Variants in ZCCHC7 observed in about 807,000 individuals in gnomAD.
ZCCHC7 encodes zinc finger CCHC domain-containing protein 7.
Under a neutral mutation model 52.0 loss-of-function variants are expected in ZCCHC7, and 35 were observed. The observed-to-expected ratio is 0.67, with a 90% CI of 0.51 to 0.89. ZCCHC7 has a LOEUF of 0.89. Among genes scored for constraint, ZCCHC7 ranks in the 40% least tolerant of loss-of-function variants. The probability of loss-of-function intolerance (pLI) is 0.00; values close to 1 mark genes in which losing one functional copy is unlikely to be tolerated. For missense variants in ZCCHC7, 574 were observed against 649.1 expected, an observed-to-expected ratio of 0.88 and a Z score of 1.26; for synonymous variants, 217 against 221.5, an observed-to-expected ratio of 0.98 and a Z score of 0.18.
intron 2 of ZCCHC7, among the ~76,000 whole-genome samples, chr9:37,245,320 AAAG>A (rs1702214893): frequency 6.6e-6 from 1 of 152,052 alleles, no homozygotes; most frequent in African/African-American, 2.4e-5. Context: ...CTAGTACTTT[AAAG>A]AAGAAGCTAT....
chr9:37,252,744 CT>C (rs1826390169), intron 2 of ZCCHC7, among the ~76,000 whole-genome samples: 1 of 152,262 alleles, frequency 6.6e-6, no homozygotes, highest in African/African-American at 2.4e-5. Flanking sequence ...CTTAATACTG[CT>C]TTCTCACCTG....
chr9:37,229,583 A>G (rs1825297796), intron 2 of ZCCHC7, among the ~76,000 whole-genome samples: 1 of 152,252 alleles, frequency 6.6e-6, no homozygotes, highest in South Asian at 2.1e-4. Flanking sequence ...AAAATATGGC[A>G]TAAAAGATAA....
At chr9:37,351,693 C>T (rs558412207) in intron 7 of ZCCHC7, among the ~76,000 whole-genome samples, 2 of 152,316 alleles carry the variant, frequency 1.3e-5, no homozygotes, top group Non-Finnish European at 2.9e-5. Context: ...ATGTTGTCAA[C>T]GTCTTTTAGG....
At chr9:37,187,124 A>G (rs1391742607) in intron 2 of ZCCHC7, 1 of 153,916 alleles carries the variant, frequency 6.5e-6, no homozygotes, top group East Asian at 1.9e-4. Context: ...TTAAGCCATT[A>G]TTACTTCCTT....
intron 5 of ZCCHC7, 66 bp from the exon 6 acceptor site, chr9:37,327,733 C>A: frequency 6.3e-7 from 1 of 1,592,180 alleles, no homozygotes; most frequent in Non-Finnish European, 8.6e-7. Flanking sequence ...TGGGTTATGC[C>A]AAAACCAACA....
chr9:37,336,324 T>C (rs555212999), intron 6 of ZCCHC7, among the ~76,000 whole-genome samples: 1 of 152,294 alleles, frequency 6.6e-6, no homozygotes, highest in African/African-American at 2.4e-5. Flanking sequence ...AGAGCATTCC[T>C]ATTTCATGTT....
At chr9:37,281,160 C>T (rs896985119) in intron 2 of ZCCHC7, among the ~76,000 whole-genome samples, 2 of 152,116 alleles carry the variant, frequency 1.3e-5, no homozygotes, top group East Asian at 1.9e-4. Context: ...GGACCACAGG[C>T]GTACATCACT....
chr9:37,349,242 T>C (rs1021760552), intron 6 of ZCCHC7, 115 bp from the exon 7 acceptor site: 2 of 973,930 alleles, frequency 2.1e-6, no homozygotes, highest in African/African-American at 1.6e-5. Context: ...CAGGTCTCCA[T>C]ACAAAACTCT....
At chr9:37,336,355 G>C (rs546543876) in intron 6 of ZCCHC7, among the ~76,000 whole-genome samples, 1 of 152,240 alleles carries the variant, frequency 6.6e-6, no homozygotes, top group Admixed American at 6.5e-5. Context: ...TTTAAGACAA[G>C]CAAAGGCTCA....
chr9:37,161,886 A>G (rs1345448353), intron 2 of ZCCHC7, among the ~76,000 whole-genome samples: 1 of 152,178 alleles, frequency 6.6e-6, no homozygotes, highest in East Asian at 1.9e-4. Context: ...TGGACATTAA[A>G]TCCATGACAG....
intron 2 of ZCCHC7, among the ~76,000 whole-genome samples, chr9:37,268,376 T>C (rs556388832): frequency 2.5e-4 from 37 of 150,262 alleles, no homozygotes; most frequent in Non-Finnish European, 4.7e-4. Context: ...TCAAAAGTCA[T>C]GAATGTACTC....
At chr9:37,323,814 G>T (rs1830140605) in intron 5 of ZCCHC7, among the ~76,000 whole-genome samples, 1 of 152,130 alleles carries the variant, frequency 6.6e-6, no homozygotes, top group Non-Finnish European at 1.5e-5. Flanking sequence ...TGTACAATAG[G>T]ATACAAAAAT....
At chr9:37,269,641 A>C (rs936934744) in intron 2 of ZCCHC7, among the ~76,000 whole-genome samples, 5 of 148,584 alleles carry the variant, frequency 3.4e-5, no homozygotes, top group East Asian at 1.9e-4. Flanking sequence ...AAAAAAAAAA[A>C]AAAAACAAAA....
chr9:37,214,308 A>G (rs1022915921), intron 2 of ZCCHC7, among the ~76,000 whole-genome samples: 30 of 152,068 alleles, frequency 2.0e-4, no homozygotes, highest in African/African-American at 7.2e-4. Context: ...TTTTATGTTA[A>G]GGAAACATTA....
intron 5 of ZCCHC7, among the ~76,000 whole-genome samples, chr9:37,314,928 T>C (rs1829748653): frequency 6.6e-6 from 1 of 152,110 alleles, no homozygotes; most frequent in Admixed American, 6.6e-5. Flanking sequence ...ATCAATTCTG[T>C]GTATGATTTT....
intron 2 of ZCCHC7, among the ~76,000 whole-genome samples, chr9:37,261,057 G>A (rs1016100445): frequency 6.6e-6 from 1 of 152,134 alleles, no homozygotes; most frequent in Non-Finnish European, 1.5e-5. Flanking sequence ...TGCTTGATAT[G>A]GATGGCCTAC....
chr9:37,270,184 G>T (rs1040783990), intron 2 of ZCCHC7, among the ~76,000 whole-genome samples: 1 of 152,024 alleles, frequency 6.6e-6, no homozygotes, highest in Non-Finnish European at 1.5e-5. Flanking sequence ...CTTGTTTAAC[G>T]TGACTACTAG....
intron 2 of ZCCHC7, among the ~76,000 whole-genome samples, chr9:37,162,163 A>G (rs972825605): frequency 6.6e-6 from 1 of 152,102 alleles, no homozygotes; most frequent in Non-Finnish European, 1.5e-5. Context: ...TTGACATACT[A>G]TAGTATATAC....
intron 6 of ZCCHC7, among the ~76,000 whole-genome samples, chr9:37,340,292 T>C (rs1820553434): frequency 6.6e-6 from 1 of 152,000 alleles, no homozygotes; most frequent in Non-Finnish European, 1.5e-5. Context: ...GAATAGCAGA[T>C]GGGATGGACC....
Sources: allele counts gnomAD v4.1 joint callset (sites outside exome capture counted in the v4.1 genomes callset), GRCh38; gene constraint gnomAD v4.1.1; transcripts MANE v1.5; gene names NCBI Gene and HGNC (gene_info 2026-07-23, HGNC 2026-07-21).